The following NCKIPSD variants were observed in gnomAD, a reference collection of about 807,000 sequenced individuals.
The protein encoded by NCKIPSD is NCK-interacting protein with SH3 domain.
A neutral mutation model predicts 73.4 loss-of-function variants in NCKIPSD; 48 were observed. The ratio of observed to expected loss-of-function variants is 0.65; its 90% confidence interval spans 0.52 to 0.83. NCKIPSD has a LOEUF of 0.83. NCKIPSD is among the 40% of genes least tolerant of loss of function. The pLI is 0.00. For synonymous variants in NCKIPSD, 422 were observed against 403.6 expected, an observed-to-expected ratio of 1.05 and a Z score of -0.54; for missense variants, 884 against 970.2, an observed-to-expected ratio of 0.91 and a Z score of 1.18.
intron 12 of NCKIPSD, among the ~76,000 whole-genome samples, chr3:48,675,652 C>T (rs1434046338): frequency 6.6e-6 from 1 of 151,450 alleles, no homozygotes; most frequent in Non-Finnish European, 1.5e-5. Flanking sequence ...AGTGATTCTC[C>T]TGCCTCAGCC....
At position 48,679,580 on chromosome 3, in the gene NCKIPSD, G is replaced by T. The variant is rs369165812; in HGVS notation, c.1484C>A (p.Thr495Lys). The T allele has an allele frequency of 6.2e-7, 1 of 1,613,974 alleles. No homozygotes were observed. The highest frequency in any genetic ancestry group is 1.1e-5 in the South Asian group (1 of 91,088). ...ACCCCGCCCTCCAGCCTCACCCTGC[G>T]TGTCTGTCTGCATGTCCCTCGCCAG... The part of the protein sequence containing the change: ...VELARDMQTD[T>K]QDHQKLCYSA... The change falls in exon 8 of 13, where the codon ACG becomes AAG. Residue 495 changes from threonine to lysine, a missense_variant. Coordinates refer to ENST00000294129, the MANE Select transcript of NCKIPSD (RefSeq NM_016453.4).
At position 48,680,151 on chromosome 3, in the gene NCKIPSD, G is replaced by A. The variant is rs778445740; in HGVS notation, c.1171C>T (p.Arg391Cys). Residue 391 changes from arginine to cysteine, a missense_variant, in exon 6 of 13, where the codon CGC (arginine) becomes TGC (cysteine). Coordinates refer to ENST00000294129, the MANE Select transcript of NCKIPSD (RefSeq NM_016453.4). ...CGCTGCTGGGCGTCGTCCTTCCGGC[G>A]AGCCAGGTCTGCAAAGATCACCTCC... is the stretch of plus-strand genomic sequence containing the variant. ...RLEVIFADLA[R>C]RKDDAQQRSW... 2.9e-5 allele frequency: 46 copies of A among 1,613,840 alleles called. 1 individual carries two copies. The highest frequency in any genetic ancestry group is 1.6e-4 in the Middle Eastern group (1 of 6,078).
rs78264164 is a variant in NCKIPSD at position 48,678,715 on chromosome 3, T to C, written c.1814A>G (p.Lys605Arg). The C allele has an allele frequency of 1.7e-4, 273 of 1,613,810 alleles. No individual in the cohort carries two copies. The African/African-American group carries it at 3.3e-3, about 20-fold the overall frequency. The change falls in exon 12 of 13, where the codon AAA becomes AGA. Residue 605 changes from lysine (K) to arginine (R), a missense_variant. By Grantham distance (26) the Lys-to-Arg change is conservative (BLOSUM62 2). Transcript: ENST00000294129. ...AGAGTGTGGTGGCTGTGGCTCATGT[T>C]TGAAGATGCGCACAGGGTCATCTAG... ...NRGDDPVRIF[K>R]HEPQPPHSVL...
Position 48,684,176 on chromosome 3 carries a change from C to T in NCKIPSD, c.172-1164G>A, listed in dbSNP as rs373021944. ...AAAACACACACATGTGGAGTCGGAA[C>T]GACACAGGCAGAGAGGCACAGAGTC... is the stretch of plus-strand genomic sequence containing the variant. On this transcript the variant is annotated intron_variant, in intron 1 of 12. Coordinates refer to ENST00000294129, the MANE Select transcript of NCKIPSD (RefSeq NM_016453.4). Among the ~76,000 whole-genome samples, 92 of 152,092 alleles carry T rather than the reference C, an allele frequency of 6.0e-4. No individual in the cohort carries two copies. The South Asian group carries it at 0.013, about 21-fold the overall frequency.
In NCKIPSD at chr3:48,679,372, C is replaced by T. The variant is rs933888094; in HGVS notation, c.1570+5G>A. On this transcript the variant is annotated splice_donor_5th_base_variant and intron_variant, in intron 9 of 12. Transcript: ENST00000294129. ...TGATCAGCTGGTCGGTTACTGCATTCTTACCATAGTGTGCATAGGGCACTG... is the reference window on the plus strand; with the variant it reads ...TGATCAGCTGGTCGGTTACTGCATTTTTACCATAGTGTGCATAGGGCACTG... 1 of 1,614,176 alleles carries T rather than the reference C, an allele frequency of 6.2e-7. No individual in the cohort carries two copies. The highest frequency in any genetic ancestry group is 8.5e-7 in the Non-Finnish European group (1 of 1,180,022).
At chr3:48,682,232 G>A in intron 3 of NCKIPSD, 76 bp from the exon 4 acceptor site, 1 of 1,561,908 alleles carries the variant, frequency 6.4e-7, no homozygotes, top group Non-Finnish European at 8.7e-7. Context: ...CTGAGCCCTG[G>A]CTGTGGGCAG....
intron 1 of NCKIPSD, among the ~76,000 whole-genome samples, chr3:48,684,019 C>CACACACAGAGAG (rs563262573): frequency 1.5e-4 from 21 of 141,256 alleles, no homozygotes; most frequent in African/African-American, 5.0e-4. Context: ...CACACACACA[C>CACACACAGAGAG]AGAGAGAGAG....
chr3:48,681,560 T>A lies in NCKIPSD; in HGVS notation c.819A>T (p.Glu273Asp). ...AGGTTGTACCAGTTGCCACTTCTTC[T>A]TCTGCAGGGGGTTCAGGTGCTGATG... is the stretch of plus-strand genomic sequence containing the variant. ...SKASAPEPPA[E>D]EEVATGTTSA... Residue 273 changes from glutamate to aspartate, a missense_variant, in exon 5 of 13, where the codon GAA becomes GAT. Physicochemically the swap from Glu to Asp is conservative, Grantham distance 45. Transcript: ENST00000294129. 2 of 1,614,078 alleles carry A rather than the reference T, an allele frequency of 1.2e-6. No homozygotes were observed. Among genetic ancestry groups the A allele is most frequent in the Non-Finnish European group, 1.7e-6 (2 of 1,180,022 alleles).
intron 5 of NCKIPSD, among the ~76,000 whole-genome samples, chr3:48,680,670 G>A (rs747569868): frequency 1.3e-5 from 2 of 151,916 alleles, no homozygotes; most frequent in Non-Finnish European, 2.9e-5. Context: ...CAAACCAGAA[G>A]TGTAACAGGA....
chr3:48,681,298 CGAGT>C lies in NCKIPSD; in HGVS notation c.1077_1080del (p.Leu360Ter), dbSNP rs761695184. 1.9e-6 allele frequency: 3 copies of C among 1,604,434 alleles called. No homozygotes were observed. Among genetic ancestry groups the C allele is most frequent in the Non-Finnish European group, 8.5e-7 (1 of 1,177,428 alleles). On this transcript the variant is annotated frameshift_variant, in exon 5 of 13. Coordinates refer to ENST00000294129, the MANE Select transcript of NCKIPSD (RefSeq NM_016453.4). LOFTEE classifies it high-confidence loss of function. The stretch of plus-strand genomic sequence containing the variant: ...CCGCCCACCCTCACCTTGCCCTCTA[CGAGT>C]GAGAGGAGGACCTGCTCCATGACTG...
intron 12 of NCKIPSD, among the ~76,000 whole-genome samples, chr3:48,675,548 A>ATATC (rs2077243841): frequency 1.1e-5 from 1 of 94,038 alleles, no homozygotes; most frequent in African/African-American, 4.4e-5. Context: ...TATATATATC[A>ATATC]TTTTTTTTTT....
chr3:48,675,056 C>T (rs1255215279), intron 12 of NCKIPSD, among the ~76,000 whole-genome samples: 1 of 152,060 alleles, frequency 6.6e-6, no homozygotes, highest in Non-Finnish European at 1.5e-5. Context: ...CTGCTTCTCA[C>T]CCTATCCTCT....
chr3:48,678,412 CT>C, intron 12 of NCKIPSD, 151 bp downstream of exon 12: 1 of 1,026,368 alleles, frequency 9.7e-7, no homozygotes, highest in Non-Finnish European at 1.4e-6. Context: ...TGGCTGGCTC[CT>C]TTGGGTCTTG....
chr3:48,681,885 A>G, intron 4 of NCKIPSD, 105 bp from the exon 5 acceptor site: 2 of 1,460,164 alleles, frequency 1.4e-6, no homozygotes, highest in Non-Finnish European at 1.8e-6. Flanking sequence ...TTTCTCTGCT[A>G]GGCACTGCCT....
Position 48,685,779 on chromosome 3 carries a change from G to C in NCKIPSD, c.29C>G (p.Ser10Trp). 2 of 1,530,242 alleles carry C rather than the reference G, an allele frequency of 1.3e-6. No homozygotes were observed. The highest frequency in any genetic ancestry group is 1.7e-6 in the Non-Finnish European group (2 of 1,148,118). The allele number at this position is 1,530,242 out of a possible 1,614,324, so 94.8% of individuals were successfully genotyped here. A position where few individuals can be genotyped will look rare whatever the true frequency, so the allele number is the denominator to read the frequency against. Residue 10 changes from serine (S) to tryptophan (W), a missense_variant, in exon 1 of 13, where the codon TCG (serine) becomes TGG (tryptophan). Transcript: ENST00000294129. MYRALYAFR[S>W]AEPNALAFAA... ...GAACGCCAGCGCGTTGGGCTCCGCC[G>C]AGCGGAACGCGTACAGCGCGCGGTA...
At position 48,681,201 on chromosome 3, in the gene NCKIPSD, T is replaced by C. The variant is rs58548975; in HGVS notation, c.1092+86A>G. 1.1e-3 allele frequency: 1,610 copies of C among 1,482,602 alleles called. 17 individuals are homozygous for C. In the African/African-American group the frequency reaches 0.02, roughly 18 times the overall value. The allele number at this position is 1,482,602 out of a possible 1,614,324, so 91.8% of individuals were successfully genotyped here. A position where few individuals can be genotyped will look rare whatever the true frequency, so the allele number is the denominator to read the frequency against. ...GAGCTCAGAGCCAGAGCTTGAGAAA[T>C]ACCTGTAATGTACAGGCTGGACAAG... On this transcript the variant is annotated intron_variant, in intron 5 of 12. Coordinates refer to ENST00000294129, the MANE Select transcript of NCKIPSD (RefSeq NM_016453.4).
intron 1 of NCKIPSD, among the ~76,000 whole-genome samples, chr3:48,684,569 G>C (rs183817310): frequency 3.3e-5 from 5 of 152,332 alleles, no homozygotes; most frequent in Admixed American, 3.3e-4. Flanking sequence ...CGTTATTTCT[G>C]TCCTGAACTG....
At chr3:48,685,415 G>A (rs2077421481) in intron 1 of NCKIPSD, among the ~76,000 whole-genome samples, 1 of 152,138 alleles carries the variant, frequency 6.6e-6, no homozygotes. Context: ...TCGATCGGGA[G>A]TTGGTCTGTC....
Position 48,685,732 on chromosome 3 carries a change from C to T in NCKIPSD, c.76G>A (p.Val26Met). ...CAGTGCGCGCTGCTTCGCTCTAGCA[C>T]CAGGAAGGTCTCGCCCGCGGCGAAC... is the stretch of plus-strand genomic sequence containing the variant. ...LAFAAGETFL[V>M]LERSSAHWWL... The change falls in exon 1 of 13, where the codon GTG becomes ATG. Residue 26 changes from valine (V) to methionine (M), a missense_variant. Physicochemically the swap from Val to Met is conservative, Grantham distance 21. Coordinates refer to ENST00000294129, the MANE Select transcript of NCKIPSD (RefSeq NM_016453.4). The T allele has an allele frequency of 6.5e-7, 1 of 1,534,202 alleles. No individual in the cohort carries two copies. The highest frequency in any genetic ancestry group is 8.7e-7 in the Non-Finnish European group (1 of 1,147,846).
Sources: gnomAD v4.1 joint callset for allele counts (sites outside exome capture counted in the v4.1 genomes callset) on GRCh38, gnomAD v4.1.1 for gene constraint, MANE v1.5 for transcripts, NCBI Gene and HGNC (gene_info 2026-07-23, HGNC 2026-07-21) for gene names.